Variants in TIAM1 observed in about 807,000 individuals in gnomAD.
TIAM1 encodes the protein TIAM Rac1 associated GEF 1.
In TIAM1, 65 loss-of-function variants were observed where a neutral mutation model predicts 163.5. The ratio of observed to expected loss-of-function variants is 0.40; its 90% CI spans 0.33 to 0.49. The LOEUF is 0.49. TIAM1 is among the 20% of genes least tolerant of loss of function. The pLI is 0.77. For synonymous variants in TIAM1, 833 were observed against 810.1 expected (o/e 1.03, Z -0.48); for missense variants, 1,789 against 2,044.7 (o/e 0.87, Z 2.41).
intron 2 of TIAM1, among the ~76,000 whole-genome samples, chr21:31,396,131 T>C (rs905793224): frequency 2.6e-5 from 4 of 152,202 alleles, no homozygotes; most frequent in Non-Finnish European, 4.4e-5. Context: ...TTATTTTCCA[T>C]CTTCTCTGCA....
chr21:31,328,085 G>A (rs1190522657), intron 2 of TIAM1, among the ~76,000 whole-genome samples: 1 of 151,958 alleles, frequency 6.6e-6, no homozygotes, highest in Non-Finnish European at 1.5e-5. Context: ...GTCAGCACAG[G>A]GCTCGCTTCC....
rs74401260 is a variant in TIAM1 at position 31,121,173 on chromosome 21, C to G, written c.4307-336G>C. ...CTGTGCACCTAAGAGATGGGTAACA[C>G]AGACAGCAGCTGCTCTCAAGTAGAC... is the stretch of plus-strand genomic sequence containing the variant. On this transcript the variant is annotated intron_variant, in intron 27 of 27. Transcript: ENST00000541036. 9.0e-3 allele frequency among the ~76,000 whole-genome samples: 1,373 copies of G among 152,252 alleles called. 21 individuals carry two copies. Among genetic ancestry groups the G allele is most frequent in the African/African-American group, 0.031 (1,295 of 41,540 alleles).
intron 2 of TIAM1, among the ~76,000 whole-genome samples, chr21:31,441,468 T>C (rs924490663): frequency 6.6e-6 from 1 of 152,152 alleles, no homozygotes; most frequent in Non-Finnish European, 1.5e-5. Flanking sequence ...TTTCCCCTTC[T>C]AGGACTTGAG....
chr21:31,428,434 T>C (rs1319584076), intron 2 of TIAM1, among the ~76,000 whole-genome samples: 1 of 152,204 alleles, frequency 6.6e-6, no homozygotes, highest in Non-Finnish European at 1.5e-5. Flanking sequence ...GGTATACCTA[T>C]TACTCATGAT....
rs149264838 is a variant in TIAM1 at position 31,135,916 on chromosome 21, G to A, written c.3883+17C>T. 1,268 of 1,610,522 alleles carry A rather than the reference G, an allele frequency of 7.9e-4. 3 individuals are homozygous for A. Among genetic ancestry groups the A allele is most frequent in the Non-Finnish European group, 9.7e-4 (1,141 of 1,176,906 alleles). On this transcript the variant is annotated intron_variant, in intron 23 of 27. Transcript: ENST00000541036. ...CTAGACTTTTCCCCCTCCATAAAACGCTTTTCTGATACACACCGAATGCTG... is the reference window on the plus strand; with the variant it reads ...CTAGACTTTTCCCCCTCCATAAAACACTTTTCTGATACACACCGAATGCTG...
At chr21:31,259,050 G>A (rs1164321348) in intron 4 of TIAM1, among the ~76,000 whole-genome samples, 1 of 151,736 alleles carries the variant, frequency 6.6e-6, no homozygotes, top group Non-Finnish European at 1.5e-5. Flanking sequence ...AAAAAACAAT[G>A]ATTACACATT....
intron 20 of TIAM1, among the ~76,000 whole-genome samples, chr21:31,142,923 G>A (rs2082922959): frequency 6.6e-6 from 1 of 152,166 alleles, no homozygotes; most frequent in Non-Finnish European, 1.5e-5. Context: ...ACCTGGCAGG[G>A]GATGATACGA....
At position 31,334,249 on chromosome 21, in the gene TIAM1, C is replaced by T. The variant is rs571604211; in HGVS notation, c.-189+4994G>A. On this transcript the variant is annotated intron_variant, in intron 2 of 27. Coordinates refer to ENST00000541036, the MANE Select transcript of TIAM1 (RefSeq NM_001353694.2). Reference sequence around the variant, plus strand: ...GGGATTCTGCTGCCTCCAGCCCTCCCCACCTGGGTGCTGTTTCTTTATTAT... The same window carrying T: ...GGGATTCTGCTGCCTCCAGCCCTCCTCACCTGGGTGCTGTTTCTTTATTAT... 1.4e-4 allele frequency among the ~76,000 whole-genome samples: 22 copies of T among 151,848 alleles called. No homozygotes were observed. In the South Asian group the frequency reaches 4.4e-3, roughly 30 times the overall value.
At chr21:31,507,179 A>ATTTTTTT (rs572356384) in intron 1 of TIAM1, among the ~76,000 whole-genome samples, 3 of 44,580 alleles carry the variant, frequency 6.7e-5, no homozygotes, top group African/African-American at 2.9e-4. Flanking sequence ...CACCTTTTTA[A>ATTTTTTT]TTTTTTTTTT....
At chr21:31,121,631 C>A (rs1465457587) in intron 27 of TIAM1, among the ~76,000 whole-genome samples, 2 of 152,186 alleles carry the variant, frequency 1.3e-5, no homozygotes, top group African/African-American at 4.8e-5. Context: ...TTCTCCAAAG[C>A]AATTAACATA....
intron 7 of TIAM1, among the ~76,000 whole-genome samples, chr21:31,224,884 T>C (rs931347522): frequency 6.6e-6 from 1 of 152,240 alleles, no homozygotes; most frequent in Non-Finnish European, 1.5e-5. Flanking sequence ...TGGCTATTAC[T>C]GACAGCTGAA....
chr21:31,241,307 T>C (rs1024737753), intron 6 of TIAM1, among the ~76,000 whole-genome samples: 1 of 152,182 alleles, frequency 6.6e-6, no homozygotes, highest in East Asian at 1.9e-4. Flanking sequence ...GCTCACCCTA[T>C]GACTGACCCT....
At chr21:31,156,633 A>T (rs1191338728) in intron 16 of TIAM1, among the ~76,000 whole-genome samples, 1 of 152,218 alleles carries the variant, frequency 6.6e-6, no homozygotes, top group Non-Finnish European at 1.5e-5. Context: ...GAACAAATAC[A>T]TCCATTTTAG....
At chr21:31,469,444 T>A (rs965547486) in intron 1 of TIAM1, among the ~76,000 whole-genome samples, 3 of 152,044 alleles carry the variant, frequency 2.0e-5, no homozygotes, top group Admixed American at 2.0e-4. Context: ...CTCTCGTGAC[T>A]CTCTTCTGTC....
chr21:31,206,664 A>C (rs942625458), intron 11 of TIAM1, among the ~76,000 whole-genome samples: 1 of 152,222 alleles, frequency 6.6e-6, no homozygotes, highest in Non-Finnish European at 1.5e-5. Context: ...TTTTTAGTTT[A>C]GTTGGCATAA....
At chr21:31,514,608 G>A (rs909726214) in intron 1 of TIAM1, among the ~76,000 whole-genome samples, 15 of 151,810 alleles carry the variant, frequency 9.9e-5, no homozygotes, top group Admixed American at 2.6e-4. Flanking sequence ...CACGAGAATC[G>A]CTTAAACCTG....
intron 2 of TIAM1, among the ~76,000 whole-genome samples, chr21:31,335,238 G>T (rs998633128): frequency 6.6e-6 from 1 of 152,032 alleles, no homozygotes; most frequent in African/African-American, 2.4e-5. Context: ...TTCACCTGTG[G>T]ACCAACATCT....
rs879518062 is a variant in TIAM1, at chr21:31,453,667, AAT to A, written c.-369+10314_-369+10315del. Among the ~76,000 whole-genome samples the A allele has an allele frequency of 1.4e-4, 21 of 146,062 alleles. No individual in the cohort carries two copies. In the Admixed American group the frequency reaches 1.5e-3, roughly 10 times the overall value. On this transcript the variant is annotated intron_variant, in intron 2 of 28. Coordinates refer to the TIAM1 transcript ENST00000286827. ...TGCGCCACTGCACTCCAACCTGGGC[AAT>A]AGAGCGAGACTCCATCTCCAGTAAA...
chr21:31,231,542 A>G (rs1260697664), intron 6 of TIAM1, among the ~76,000 whole-genome samples: 1 of 152,204 alleles, frequency 6.6e-6, no homozygotes, highest in Non-Finnish European at 1.5e-5. Context: ...CTTCCACGTA[A>G]GAAGGAAAAA....
Sources: gnomAD v4.1 joint callset for allele counts (sites outside exome capture counted in the v4.1 genomes callset) on GRCh38, gnomAD v4.1.1 for gene constraint, MANE v1.5 for transcripts, NCBI Gene and HGNC (gene_info 2026-07-23, HGNC 2026-07-21) for gene names.